Variants in ZNF780A observed in about 807,000 individuals in gnomAD.
ZNF780A encodes the protein zinc finger protein 780A.
A neutral mutation model predicts 56.7 loss-of-function variants in ZNF780A; 40 were observed. The observed-to-expected ratio is 0.71, with a 90% confidence interval of 0.55 to 0.92. The LOEUF (loss-of-function observed/expected upper bound fraction) is 0.92, where lower values mean the gene tolerates loss of function less well. Among genes scored for constraint, ZNF780A ranks in the 40% least tolerant of loss-of-function variants. The probability of loss-of-function intolerance (pLI) is 0.00; values close to 1 mark genes in which losing one functional copy is unlikely to be tolerated. For missense variants in ZNF780A, 672 were observed against 783.3 expected, an observed-to-expected ratio of 0.86 and a Z score of 1.70; for synonymous variants, 231 against 248.3, an observed-to-expected ratio of 0.93 and a Z score of 0.66.
chr19:40,075,531 G>T lies in ZNF780A; in HGVS notation c.911C>A (p.Pro304His). Reference protein sequence around the residue: ...QHQKIHSNEKPFVCKECGMAF... With the variant: ...QHQKIHSNEKHFVCKECGMAF... ...CATCCCACATTCCTTACATACAAAG[G>T]GTTTCTCATTGGAATGAATTTTCTG... Residue 304 changes from proline to histidine, a missense_variant, in exon 6 of 6, where the codon CCC (proline) becomes CAC (histidine). Pro to His is a moderately conservative substitution (Grantham distance 77). Transcript: ENST00000683561. 6.2e-7 allele frequency: 1 copy of T among 1,612,186 alleles called. No homozygotes were observed. Among genetic ancestry groups the T allele is most frequent in the Admixed American group, 1.7e-5 (1 of 59,734 alleles).
chr19:40,071,369 G>C (rs1973810645), downstream of ZNF780A: 1 of 152,062 alleles, frequency 6.6e-6, no homozygotes, highest in Non-Finnish European at 1.5e-5. Context: ...ATGATGTATA[G>C]GTGCTGATGA....
At chr19:40,083,286 T>C (rs2144953807) in intron 3 of ZNF780A, 49 bp from the exon 4 acceptor site, 1 of 1,609,020 alleles carries the variant, frequency 6.2e-7, no homozygotes, top group South Asian at 1.1e-5. Flanking sequence ...AAAGTTGTTT[T>C]AAGATGAAAG....
chr19:40,072,562 C>A (rs1973866697), downstream of ZNF780A: 1 of 237,998 alleles, frequency 4.2e-6, no homozygotes, highest in African/African-American at 2.3e-5. Flanking sequence ...AGGATATAAA[C>A]CCAGGCATTC....
At chr19:40,088,988 T>C (rs1974973234) in intron 2 of ZNF780A, among the ~76,000 whole-genome samples, 2 of 152,144 alleles carry the variant, frequency 1.3e-5, no homozygotes, top group Admixed American at 6.5e-5. Flanking sequence ...GAATCGTATT[T>C]ACAGATCTGG....
At chr19:40,069,269 G>T, downstream of ZNF780A, 1 of 157,040 alleles carries the variant, frequency 6.4e-6, no homozygotes, top group Non-Finnish European at 1.4e-5. Flanking sequence ...ATGATGAAGG[G>T]AGAGCCAGTG....
rs1347625864 is a variant in ZNF780A, at chr19:40,074,609, T to C, written c.1833A>G (p.Lys611=). 2 of 1,613,704 alleles carry C rather than the reference T, an allele frequency of 1.2e-6. No individual in the cohort carries two copies. Among genetic ancestry groups the C allele is most frequent in the African/African-American group, 2.7e-5 (2 of 74,834 alleles). The change falls in exon 6 of 6, where the codon AAA becomes AAG. Residue 611 remains lysine, a synonymous_variant. Transcript: ENST00000683561. ...IRHQKLHTGE[K]PFECKECGKV... ...TTCCACATTCCTTACATTCAAAGGG[T>C]TTCTCACCAGTATGCAATTTCTGAT...
chr19:40,071,745 T>C (rs1440626023), downstream of ZNF780A: 1 of 152,514 alleles, frequency 6.6e-6, no homozygotes, highest in Non-Finnish European at 1.5e-5. Flanking sequence ...AAATATGCCA[T>C]ACAAATAGCC....
intron 5 of ZNF780A, among the ~76,000 whole-genome samples, chr19:40,079,241 AAAG>A (rs1439369357): frequency 1.3e-5 from 2 of 152,186 alleles, no homozygotes; most frequent in Non-Finnish European, 2.9e-5. Flanking sequence ...AAAAAGAGAC[AAAG>A]AAGATCACTG....
chr19:40,073,099 A>C lies in ZNF780A; in HGVS notation c.*1417T>G. 1 of 1,337,082 alleles carries C rather than the reference A, an allele frequency of 7.5e-7. No individual in the cohort carries two copies. The highest frequency in any genetic ancestry group is 9.6e-7 in the Non-Finnish European group (1 of 1,041,154). 82.8% of individuals were successfully genotyped at this position (1,337,082 alleles called of 1,614,324 possible). ...TTTGGTTGATACACACGTTGATTAAATAAAGGGTAAAGTGTCATGATGTCT... is the reference window on the plus strand; with the variant it reads ...TTTGGTTGATACACACGTTGATTAACTAAAGGGTAAAGTGTCATGATGTCT... On this transcript the variant is annotated 3_prime_UTR_variant, in exon 6 of 6. Coordinates refer to ENST00000683561, the MANE Select transcript of ZNF780A (RefSeq NM_001142578.2).
intron 5 of ZNF780A, 62 bp downstream of exon 5, chr19:40,081,756 TC>T (rs1473722705): frequency 3.1e-5 from 43 of 1,392,342 alleles, no homozygotes; most frequent in Non-Finnish European, 4.2e-5. Flanking sequence ...AGTGTATGAC[TC>T]CTTTCTGAGC....
In ZNF780A at chr19:40,075,310, G is replaced by T; in HGVS notation, c.1132C>A (p.Arg378Ser). ...KAFSLLNQLN[R>S]HKNIHTGEKP... ...TCACCTGTGTGAATGTTCTTATGGC[G>T]ATTAAGCTGGTTGAGAAGACTAAAG... The change falls in exon 6 of 6, where the codon CGC becomes AGC. Residue 378 changes from arginine (R) to serine (S), a missense_variant. By Grantham distance (110) the Arg-to-Ser change is moderately radical. Coordinates refer to ENST00000683561, the MANE Select transcript of ZNF780A (RefSeq NM_001142578.2). 1 of 1,613,702 alleles carries T rather than the reference G, an allele frequency of 6.2e-7. No individual in the cohort carries two copies.
intron 5 of ZNF780A, among the ~76,000 whole-genome samples, chr19:40,076,566 C>T (rs1284818526): frequency 6.6e-6 from 1 of 152,196 alleles, no homozygotes; most frequent in Non-Finnish European, 1.5e-5. Context: ...AGGATACAAT[C>T]CAAATATACT....
chr19:40,070,893 C>G (rs1973795640), downstream of ZNF780A: 1 of 151,676 alleles, frequency 6.6e-6, no homozygotes, highest in South Asian at 2.1e-4. Flanking sequence ...GGGTTAATAC[C>G]CAGGGAATCT....
chr19:40,079,414 A>G (rs576357662), intron 5 of ZNF780A, among the ~76,000 whole-genome samples: 2 of 152,152 alleles, frequency 1.3e-5, no homozygotes, highest in African/African-American at 2.4e-5. Context: ...TCAACACCCC[A>G]CTCTGAATTA....
chr19:40,075,708 C>A lies in ZNF780A; in HGVS notation c.734G>T (p.Gly245Val), dbSNP rs1282588426. Residue 245 changes from glycine to valine, a missense_variant, in exon 6 of 6, where the codon GGT becomes GTT. Transcript: ENST00000683561. ...TTCCTTACATTCAAACAGTTTCTCA[C>A]CTGTGTGAATGTTCTTATGGCGATT... is the stretch of plus-strand genomic sequence containing the variant. ...LLNRHKNIHT[G>V]EKLFECKECG... The A allele has an allele frequency of 1.2e-6, 2 of 1,613,980 alleles. No homozygotes were observed. Among genetic ancestry groups the A allele is most frequent in the Non-Finnish European group, 1.7e-6 (2 of 1,179,988 alleles).
chr19:40,084,066 ATT>A (rs554762129), intron 3 of ZNF780A, among the ~76,000 whole-genome samples: 1 of 147,272 alleles, frequency 6.8e-6, no homozygotes. Context: ...CAACAGGCTA[ATT>A]TTTTTTTTTC....
rs1974012619 is a variant in ZNF780A at position 40,074,935 on chromosome 19, A to C, written c.1507T>G (p.Cys503Gly). The stretch of plus-strand genomic sequence containing the variant: ...CTAAAAGCCTTCCCACACTCCTTAC[A>C]TTCATAGGGCTTCTCACCAGTGTGA... ...SIHTGEKPYE[C>G]KECGKAFRLY... is the part of the protein sequence containing the mutation. The change falls in exon 6 of 6, where the codon TGT becomes GGT. Residue 503 changes from cysteine (C) to glycine (G), a missense_variant. By Grantham distance (159) the Cys-to-Gly change is radical. Coordinates refer to ENST00000683561, the MANE Select transcript of ZNF780A (RefSeq NM_001142578.2). 2.5e-6 allele frequency: 4 copies of C among 1,614,186 alleles called. No homozygotes were observed. The highest frequency in any genetic ancestry group is 3.4e-6 in the Non-Finnish European group (4 of 1,180,024).
intron 2 of ZNF780A, among the ~76,000 whole-genome samples, chr19:40,086,129 T>TGG (rs202055313): frequency 3.9e-5 from 6 of 151,952 alleles, no homozygotes; most frequent in Non-Finnish European, 7.4e-5. Context: ...CCTTTGAACT[T>TGG]GGGGTGGGAA....
In ZNF780A at chr19:40,073,671, C is replaced by T; in HGVS notation, c.*845G>A. On this transcript the variant is annotated 3_prime_UTR_variant, in exon 6 of 6. Transcript: ENST00000683561. ...TGTGGCTATAAAACGCCCCACATTC[C>T]TTACACTCAAAGATTTCTCAGAAGT... is the stretch of plus-strand genomic sequence containing the variant. The T allele has an allele frequency of 1.0e-6, 1 of 986,080 alleles. No homozygotes were observed. The highest frequency in any genetic ancestry group is 1.2e-6 in the Non-Finnish European group (1 of 830,456). The allele number at this position is 986,080 out of a possible 1,614,324, so 61.1% of individuals were successfully genotyped here.
Sources: gnomAD v4.1 joint callset for allele counts (sites outside exome capture counted in the v4.1 genomes callset) on GRCh38, gnomAD v4.1.1 for gene constraint, MANE v1.5 for transcripts, NCBI Gene and HGNC (gene_info 2026-07-23, HGNC 2026-07-21) for gene names.